The following RAB27A variants were observed in gnomAD, a reference collection of about 807,000 sequenced individuals.
RAB27A encodes ras-related protein Rab-27A.
In RAB27A, 17 loss-of-function variants were observed where a neutral mutation model predicts 20.8. That is an observed-to-expected ratio of 0.82 (90% confidence interval 0.56 to 1.23). The LOEUF is 1.23. RAB27A is among the 50% of genes most tolerant of loss of function. The pLI is 0.00. For missense variants in RAB27A, 277 were observed against 266.7 expected (o/e 1.04, Z -0.27); for synonymous variants, 85 against 92.8 (o/e 0.92, Z 0.48).
intron 2 of RAB27A, among the ~76,000 whole-genome samples, chr15:55,241,624 A>ATATATATATATATATG (rs377301086): frequency 8.5e-5 from 10 of 117,664 alleles, no homozygotes; most frequent in African/African-American, 3.9e-4. Context: ...ATATATATAT[A>ATATATATATATATATG]TGTGTGTATA....
intron 1 of RAB27A, among the ~76,000 whole-genome samples, chr15:55,316,757 AC>A (rs749733436): frequency 3.9e-5 from 6 of 152,182 alleles, no homozygotes; most frequent in Non-Finnish European, 8.8e-5. Context: ...GGATTAAAAA[AC>A]ATCTGTGTCA....
chr15:55,225,870 G>A (rs1895774009), intron 5 of RAB27A, among the ~76,000 whole-genome samples: 1 of 150,868 alleles, frequency 6.6e-6, no homozygotes, highest in Non-Finnish European at 1.5e-5. Flanking sequence ...AGTATAAAAT[G>A]TAACAGGGGT....
intron 1 of RAB27A, among the ~76,000 whole-genome samples, chr15:55,315,290 C>G (rs187097485): frequency 6.6e-6 from 1 of 152,208 alleles, no homozygotes; most frequent in Admixed American, 6.5e-5. Flanking sequence ...AAATGGAAAA[C>G]CTAAAACCAT....
At chr15:55,244,682 C>T (rs1344530184) in intron 2 of RAB27A, among the ~76,000 whole-genome samples, 1 of 152,102 alleles carries the variant, frequency 6.6e-6, no homozygotes, top group African/African-American at 2.4e-5. Flanking sequence ...TCACTTATTG[C>T]AGTGCAAAAT....
At chr15:55,317,990 A>C (rs1161741166) in intron 1 of RAB27A, 3 of 340,484 alleles carry the variant, frequency 8.8e-6, no homozygotes, top group Non-Finnish European at 1.6e-5. Flanking sequence ...TAAAACAAGA[A>C]TATAAATACA....
intron 1 of RAB27A, among the ~76,000 whole-genome samples, chr15:55,275,922 A>AAG: frequency 6.7e-6 from 1 of 148,530 alleles, no homozygotes; most frequent in South Asian, 2.1e-4. Context: ...GCTAATTAAA[A>AAG]AAAAAAAAAA....
chr15:55,264,801 C>A (rs372820989), intron 2 of RAB27A, among the ~76,000 whole-genome samples: 167 of 152,200 alleles, frequency 1.1e-3, no homozygotes, highest in African/African-American at 3.8e-3. Flanking sequence ...GTCATTTAAG[C>A]AGTAGCTCAT....
intron 2 of RAB27A, among the ~76,000 whole-genome samples, chr15:55,240,459 A>C (rs1227872509): frequency 6.6e-6 from 1 of 152,132 alleles, no homozygotes; most frequent in Non-Finnish European, 1.5e-5. Context: ...AATCCTCATC[A>C]CTGCCCTATA....
intron 1 of RAB27A, among the ~76,000 whole-genome samples, chr15:55,274,794 T>TATATA (rs1897805753): frequency 1.9e-5 from 1 of 52,172 alleles, no homozygotes; most frequent in African/African-American, 5.8e-5. Context: ...AATAAATAAA[T>TATATA]TATATATATA....
At chr15:55,316,899 A>G (rs1007054526) in intron 1 of RAB27A, among the ~76,000 whole-genome samples, 3 of 152,174 alleles carry the variant, frequency 2.0e-5, no homozygotes, top group African/African-American at 4.8e-5. Context: ...CTGCCAAAAT[A>G]TATTAAACCA....
In RAB27A at chr15:55,206,470, T is replaced by C. The variant is rs189683214; in HGVS notation, c.468-765A>G. 1.2e-4 allele frequency among the ~76,000 whole-genome samples: 18 copies of C among 152,164 alleles called. No homozygotes were observed. The East Asian group carries it at 3.3e-3, about 28-fold the overall frequency. On this transcript the variant is annotated intron_variant, in intron 6 of 6. Coordinates refer to ENST00000336787, the MANE Select transcript of RAB27A (RefSeq NM_183235.3). ...GATCCTCCTACCTCAGCTTTCCAAGTAGCTGGGACCACAGGCGCACACCAC... is the reference window on the plus strand; with the variant it reads ...GATCCTCCTACCTCAGCTTTCCAAGCAGCTGGGACCACAGGCGCACACCAC...
Position 55,281,968 on chromosome 15 carries a change from A to C in RAB27A, c.-143+7748T>G, listed in dbSNP as rs571770592. On this transcript the variant is annotated intron_variant, in intron 1 of 6. Transcript: ENST00000336787. ...TTGGGACATCACTGGCTTTGTGTGA[A>C]GAATGGGCTATGGCAGGGAGGGGCA... 2.6e-5 allele frequency among the ~76,000 whole-genome samples: 4 copies of C among 152,318 alleles called. No homozygotes were observed. The South Asian group carries it at 8.3e-4, about 32-fold the overall frequency.
chr15:55,294,056 A>T (rs2054937204), upstream of RAB27A, among the ~76,000 whole-genome samples: 1 of 152,240 alleles, frequency 6.6e-6, no homozygotes, highest in Non-Finnish European at 1.5e-5. Context: ...TAAAATGCAT[A>T]TGAAATTGCA....
intron 1 of RAB27A, among the ~76,000 whole-genome samples, chr15:55,283,402 T>C (rs149125146): frequency 6.6e-5 from 10 of 152,276 alleles, no homozygotes; most frequent in African/African-American, 1.9e-4. Context: ...TTCTTCCACA[T>C]TCAAGCAGGA....
chr15:55,285,690 C>G (rs1009877536), intron 1 of RAB27A, among the ~76,000 whole-genome samples: 1 of 152,136 alleles, frequency 6.6e-6, no homozygotes, highest in African/African-American at 2.4e-5. Flanking sequence ...TCTTCAAGAA[C>G]CAATCTTGTT....
upstream of RAB27A, among the ~76,000 whole-genome samples, chr15:55,291,509 T>C (rs1289652333): frequency 2.2e-5 from 1 of 45,044 alleles, no homozygotes; most frequent in Non-Finnish European, 3.8e-5. Context: ...AGACTCTGTT[T>C]CAAAAAAAAA....
intron 2 of RAB27A, among the ~76,000 whole-genome samples, chr15:55,263,450 T>C (rs1400591644): frequency 1.3e-5 from 2 of 152,218 alleles, no homozygotes; most frequent in Non-Finnish European, 2.9e-5. Flanking sequence ...ACAGAAATGG[T>C]GTTTCACCCT....
At chr15:55,292,199 A>G (rs1386275956), upstream of RAB27A, among the ~76,000 whole-genome samples, 1 of 152,268 alleles carries the variant, frequency 6.6e-6, no homozygotes, top group East Asian at 1.9e-4. Flanking sequence ...TTGATCATTT[A>G]CTATGAGTCA....
At chr15:55,234,079 T>C (rs1361729190) in intron 3 of RAB27A, among the ~76,000 whole-genome samples, 1 of 152,176 alleles carries the variant, frequency 6.6e-6, no homozygotes. Flanking sequence ...TTGTCATTAA[T>C]TTCCTGACAA....
Sources: allele counts gnomAD v4.1 joint callset (sites outside exome capture counted in the v4.1 genomes callset), GRCh38; gene constraint gnomAD v4.1.1; transcripts MANE v1.5; gene names NCBI Gene and HGNC (gene_info 2026-07-23, HGNC 2026-07-21).